TTLL8: variants seen among roughly 807,000 people sequenced by gnomAD.
TTLL8 encodes the protein protein monoglycylase TTLL8.
Under a neutral mutation model 77.8 loss-of-function variants are expected in TTLL8, and 65 were observed. The ratio of observed to expected loss-of-function variants is 0.84; its 90% confidence interval spans 0.68 to 1.03. The LOEUF is 1.03. TTLL8 is among the 50% of genes least tolerant of loss of function. The pLI is 0.00. For synonymous variants in TTLL8, 402 were observed against 422.8 expected (o/e 0.95, Z 0.60); for missense variants, 910 against 1,004.5 (o/e 0.91, Z 1.27).
chr22:50,049,750 C>G (rs1224387883), intron 2 of TTLL8, among the ~76,000 whole-genome samples: 1 of 152,084 alleles, frequency 6.6e-6, no homozygotes, highest in Non-Finnish European at 1.5e-5. Flanking sequence ...CAGATGTCAG[C>G]GAGGAGCAGC....
chr22:50,045,458 C>A, intron 5 of TTLL8, 69 bp from the exon 8 acceptor site: 2 of 1,315,778 alleles, frequency 1.5e-6, no homozygotes, highest in South Asian at 2.3e-5. Context: ...GGGGCCAGGG[C>A]CACGGAGGCT....
chr22:50,054,248 T>C (rs540034748), intron 1 of TTLL8, among the ~76,000 whole-genome samples: 1 of 152,230 alleles, frequency 6.6e-6, no homozygotes, highest in South Asian at 2.1e-4. Context: ...TTTCCCCAGG[T>C]CACTTGCTCT....
chr22:50,050,028 A>G, intron 2 of TTLL8, 81 bp downstream of exon 4: 1 of 1,301,368 alleles, frequency 7.7e-7, no homozygotes, highest in Non-Finnish European at 1.0e-6. Context: ...GGCAGGCACC[A>G]CACTCAGGCC....
intron 1 of TTLL8, among the ~76,000 whole-genome samples, chr22:50,052,219 C>G (rs750333050): frequency 3.3e-5 from 5 of 152,158 alleles, no homozygotes; most frequent in Admixed American, 1.3e-4. Flanking sequence ...TTGGGGAGAA[C>G]GGTGGGGGAG....
exon 11 of TTLL8, chr22:50,032,082 G>A: frequency 7.3e-7 from 1 of 1,363,980 alleles, no homozygotes; most frequent in Non-Finnish European, 9.8e-7. Flanking sequence ...GGTACTTCTG[G>A]ACGGCGTTGT....
chr22:50,022,731 T>C (rs551439865), intron 12 of TTLL8, among the ~76,000 whole-genome samples: 10 of 152,346 alleles, frequency 6.6e-5, no homozygotes, highest in African/African-American at 2.4e-4. Context: ...TGCAGGTCCA[T>C]GTAGGTGTGG....
upstream of TTLL8, among the ~76,000 whole-genome samples, chr22:50,055,914 G>GGCATTCT (rs1416802692): frequency 2.0e-5 from 3 of 152,120 alleles, no homozygotes; most frequent in Non-Finnish European, 2.9e-5. Context: ...AGATGGTGAA[G>GGCATTCT]GCATTCTAAG....
intron 12 of TTLL8, among the ~76,000 whole-genome samples, chr22:50,022,343 AATG>A: frequency 7.8e-6 from 1 of 127,620 alleles, no homozygotes; most frequent in Non-Finnish European, 1.6e-5. Flanking sequence ...TCCATCTGAC[AATG>A]TGTACTCCTC....
upstream of TTLL8, chr22:50,056,751 G>A: frequency 7.8e-7 from 1 of 1,281,380 alleles, no homozygotes; most frequent in Non-Finnish European, 1.0e-6. The surrounding 1 kb of genome is among the most constrained non-coding windows in gnomAD (Gnocchi z 4.1). Context: ...CTGCAGCTCA[G>A]TGAAGTGCCT....
At chr22:50,031,981 C>T (rs532527623) in exon 11 of TTLL8, 63 of 1,366,574 alleles carry the variant, frequency 4.6e-5, no homozygotes, top group Non-Finnish European at 5.5e-5. Flanking sequence ...CACGGCGCCA[C>T]GGCCCTGGCG....
At chr22:50,039,371 G>A (rs533409340) in intron 8 of TTLL8, among the ~76,000 whole-genome samples, 7 of 152,206 alleles carry the variant, frequency 4.6e-5, no homozygotes, top group African/African-American at 1.2e-4. Context: ...GCACTAACAC[G>A]TATGTAACTG....
intron 3 of TTLL8, among the ~76,000 whole-genome samples, chr22:50,048,427 C>T (rs1270843013): frequency 6.6e-6 from 1 of 152,092 alleles, no homozygotes; most frequent in African/African-American, 2.4e-5. Flanking sequence ...AACCCTCGCC[C>T]CTGGGTGAGG....
At chr22:50,030,772 C>T in exon 12 of TTLL8, 1 of 1,344,622 alleles carries the variant, frequency 7.4e-7, no homozygotes, top group Non-Finnish European at 9.9e-7. Flanking sequence ...TCTGGCATGG[C>T]CGAGGGGCCC....
chr22:50,050,913 T>C (rs1256840316), intron 1 of TTLL8, among the ~76,000 whole-genome samples: 2 of 152,366 alleles, frequency 1.3e-5, no homozygotes, highest in Middle Eastern at 3.4e-3. Context: ...AGCTCAGTTC[T>C]TAAGACGCGA....
upstream of TTLL8, among the ~76,000 whole-genome samples, chr22:50,056,443 G>A (rs914300036): frequency 3.3e-5 from 5 of 152,182 alleles, no homozygotes; most frequent in Admixed American, 6.5e-5. The surrounding 1 kb of genome is among the most constrained non-coding windows in gnomAD (Gnocchi z 4.1). Flanking sequence ...GCCCTTAAAC[G>A]GTTGGGGGAC....
intron 12 of TTLL8, among the ~76,000 whole-genome samples, chr22:50,029,663 G>A (rs1205081779): frequency 2.0e-5 from 3 of 152,118 alleles, no homozygotes; most frequent in African/African-American, 4.8e-5. Flanking sequence ...CCCGGGAGGC[G>A]GAGGCTGCAG....
At chr22:50,026,031 C>T (rs2061228089) in intron 12 of TTLL8, among the ~76,000 whole-genome samples, 1 of 152,196 alleles carries the variant, frequency 6.6e-6, no homozygotes, top group Admixed American at 6.5e-5. Flanking sequence ...CTTGGACACA[C>T]AGCCAAGACA....
In TTLL8 at chr22:50,034,234, C is replaced by A; in HGVS notation, c.1039+111G>T. On this transcript the variant is annotated intron_variant, in intron 9 of 13. Transcript: ENST00000266182. The surrounding 1 kb of genome is among the most constrained non-coding windows in gnomAD (Gnocchi z 4.1). Reference sequence around the variant, plus strand: ...CACGCCTGCCTCGGCGTTCTGCTCCCTCCCTTCCTTCCCTGTGGTGCTGTG... The same window carrying A: ...CACGCCTGCCTCGGCGTTCTGCTCCATCCCTTCCTTCCCTGTGGTGCTGTG... The A allele has an allele frequency of 8.3e-7, 1 of 1,207,172 alleles. No individual in the cohort carries two copies. 74.8% of individuals were successfully genotyped at this position (1,207,172 alleles called of 1,614,324 possible). A position where few individuals can be genotyped will look rare whatever the true frequency, so the allele number is the denominator to read the frequency against.
In TTLL8 at chr22:50,027,685, T is replaced by C. The variant is rs1372254793; in HGVS notation, c.2203+2745A>G. The C allele has an allele frequency of 1.1e-5, 11 of 985,454 alleles. No individual in the cohort carries two copies. The Middle Eastern group carries it at 1.6e-3, about 140-fold the overall frequency. 61.0% of individuals were successfully genotyped at this position (985,454 alleles called of 1,614,324 possible). ...GTCCTGCTGGCCGGACTGGGCCTGG[T>C]GACCCTGTCGCCGCAGGCCTTTTGC... On this transcript the variant is annotated intron_variant, in intron 12 of 13. Coordinates refer to ENST00000266182, the Ensembl canonical transcript of TTLL8.
Sources: gnomAD v4.1 joint callset for allele counts (sites outside exome capture counted in the v4.1 genomes callset) on GRCh38, gnomAD v4.1.1 for gene constraint, Gnocchi (gnomAD v3.1) non-coding constraint, MANE v1.5 for transcripts, NCBI Gene and HGNC (gene_info 2026-07-23, HGNC 2026-07-21) for gene names.